The following OTUD7A variants were observed in gnomAD, a reference collection of about 807,000 sequenced individuals.
OTUD7A encodes OTU domain-containing protein 7A.
Under a neutral mutation model 65.7 loss-of-function variants are expected in OTUD7A, and 12 were observed. The ratio of observed to expected loss-of-function variants is 0.18; its 90% CI spans 0.12 to 0.30. The LOEUF (loss-of-function observed/expected upper bound fraction) is 0.30, where lower values mean the gene tolerates loss of function less well. OTUD7A is among the 10% of genes least tolerant of loss of function. The pLI is 1.00. For synonymous variants in OTUD7A, 641 were observed against 586.3 expected, an observed-to-expected ratio of 1.09 and a Z score of -1.35; for missense variants, 1,148 against 1,304.8, an observed-to-expected ratio of 0.88 and a Z score of 1.85.
intron 2 of OTUD7A, among the ~76,000 whole-genome samples, chr15:31,656,048 A>C (rs1891981559): frequency 6.6e-6 from 1 of 152,250 alleles, no homozygotes; most frequent in African/African-American, 2.4e-5. Flanking sequence ...CACTTGCTGA[A>C]GATGGCTACT....
chr15:31,833,276 T>C (rs1432324766), intron 1 of OTUD7A, among the ~76,000 whole-genome samples: 3 of 152,196 alleles, frequency 2.0e-5, no homozygotes, highest in Non-Finnish European at 4.4e-5. Context: ...TGGAGGCTCT[T>C]TCTCCTCAAA....
intron 5 of OTUD7A, among the ~76,000 whole-genome samples, chr15:31,536,974 ACT>A (rs944790243): frequency 3.3e-4 from 51 of 152,316 alleles, no homozygotes; most frequent in African/African-American, 1.2e-3. Flanking sequence ...GGTGATGAAC[ACT>A]CTGACTCAAT....
Position 31,476,212 on chromosome 15 carries a change from G to C in OTUD7A, c.*7082C>G, listed in dbSNP as rs946399760. The C allele has an allele frequency of 2.6e-5, 4 of 152,248 alleles. No individual in the cohort carries two copies. Among genetic ancestry groups the C allele is most frequent in the Non-Finnish European group, 5.9e-5 (4 of 68,064 alleles). 9.4% of individuals were successfully genotyped at this position (152,248 alleles called of 1,614,324 possible). A position where few individuals can be genotyped will look rare whatever the true frequency, so the allele number is the denominator to read the frequency against. The stretch of plus-strand genomic sequence containing the variant: ...CAGGGAAGACAAGCTCCTACTGAAC[G>C]GTGACTGGCTCTGTCAGAGGTGGGG... On this transcript the variant is annotated 3_prime_UTR_variant, in exon 13 of 13. Coordinates refer to ENST00000307050, the MANE Select transcript of OTUD7A (RefSeq NM_001382637.1).
At chr15:31,660,313 T>C (rs982341948) in intron 1 of OTUD7A, among the ~76,000 whole-genome samples, 1 of 152,236 alleles carries the variant, frequency 6.6e-6, no homozygotes, top group Non-Finnish European at 1.5e-5. Context: ...AGAGCCTGTG[T>C]GGCCCATCCC....
chr15:31,755,344 C>T (rs1894781603), intron 1 of OTUD7A, among the ~76,000 whole-genome samples: 1 of 152,100 alleles, frequency 6.6e-6, no homozygotes, highest in Middle Eastern at 3.2e-3. Flanking sequence ...GGTGAGAACT[C>T]TCAATGGGGC....
intron 1 of OTUD7A, among the ~76,000 whole-genome samples, chr15:31,808,822 T>C (rs1351675195): frequency 6.6e-6 from 1 of 152,202 alleles, no homozygotes; most frequent in Non-Finnish European, 1.5e-5. Flanking sequence ...CAGACAAGCC[T>C]GGAGTAGGGA....
intron 5 of OTUD7A, among the ~76,000 whole-genome samples, chr15:31,539,813 C>T (rs543018055): frequency 6.6e-6 from 1 of 152,208 alleles, no homozygotes; most frequent in African/African-American, 2.4e-5. Context: ...GACAAAGTCC[C>T]GAAAACTGGT....
chr15:31,522,457 C>G (rs1376668010), intron 8 of OTUD7A, among the ~76,000 whole-genome samples: 1 of 152,216 alleles, frequency 6.6e-6, no homozygotes, highest in Non-Finnish European at 1.5e-5. Flanking sequence ...CATGCCAGAT[C>G]GTGGGAATTC....
At chr15:31,853,051 T>C (rs1897470899) in intron 1 of OTUD7A, among the ~76,000 whole-genome samples, 1 of 152,194 alleles carries the variant, frequency 6.6e-6, no homozygotes, top group Non-Finnish European at 1.5e-5. Context: ...AGGAAGGGCC[T>C]GGGTGGCCCT....
intron 3 of OTUD7A, among the ~76,000 whole-genome samples, chr15:31,579,701 T>C (rs1889313709): frequency 6.6e-6 from 1 of 151,578 alleles, no homozygotes; most frequent in Non-Finnish European, 1.5e-5. Context: ...TGCATGTGTG[T>C]ATGTATATAT....
chr15:31,853,001 G>A (rs1167827099), intron 1 of OTUD7A, among the ~76,000 whole-genome samples: 1 of 152,152 alleles, frequency 6.6e-6, no homozygotes, highest in East Asian at 1.9e-4. Context: ...GACGTCCAGG[G>A]TGGTACCTGC....
intron 1 of OTUD7A, among the ~76,000 whole-genome samples, chr15:31,735,207 C>T (rs1270441174): frequency 6.6e-6 from 1 of 152,054 alleles, no homozygotes; most frequent in African/African-American, 2.4e-5. Flanking sequence ...CATCTCACAC[C>T]AGTCAGAATG....
At chr15:31,739,579 C>T (rs1025257078) in intron 1 of OTUD7A, among the ~76,000 whole-genome samples, 1 of 152,096 alleles carries the variant, frequency 6.6e-6, no homozygotes, top group Non-Finnish European at 1.5e-5. Flanking sequence ...AAATGCAATG[C>T]CCACATTTGC....
chr15:31,800,682 A>G (rs1896097465), intron 1 of OTUD7A, among the ~76,000 whole-genome samples: 1 of 152,112 alleles, frequency 6.6e-6, no homozygotes, highest in Admixed American at 6.5e-5. Context: ...TGGGTTACAG[A>G]GCTTCTCACC....
intron 1 of OTUD7A, among the ~76,000 whole-genome samples, chr15:31,796,137 G>A (rs1895946771): frequency 1.4e-5 from 1 of 73,004 alleles, no homozygotes. Flanking sequence ...AACCAGTAAG[G>A]GGTGCGTGTG....
At position 31,729,730 on chromosome 15, in the gene OTUD7A, C is replaced by T. The variant is rs527822229; in HGVS notation, c.-99-72653G>A. The stretch of plus-strand genomic sequence containing the variant: ...TCAATGCACCTTTCCATAAGCACAC[C>T]TCACACTCTCCTTGGAGGGCAAGGC... On this transcript the variant is annotated intron_variant, in intron 1 of 12. Coordinates refer to ENST00000307050, the MANE Select transcript of OTUD7A (RefSeq NM_001382637.1). Among the ~76,000 whole-genome samples the T allele has an allele frequency of 3.9e-5, 6 of 152,274 alleles. No individual in the cohort carries two copies. In the South Asian group the frequency reaches 1.2e-3, roughly 32 times the overall value.
intron 1 of OTUD7A, among the ~76,000 whole-genome samples, chr15:31,796,842 T>C (rs1272135070): frequency 6.6e-6 from 1 of 152,124 alleles, no homozygotes; most frequent in Non-Finnish European, 1.5e-5. Context: ...TTAAGTGATT[T>C]TCCTGCCTCA....
intron 1 of OTUD7A, among the ~76,000 whole-genome samples, chr15:31,799,504 G>T (rs138631362): frequency 1.3e-3 from 199 of 152,202 alleles, no homozygotes; most frequent in Middle Eastern, 6.8e-3. Context: ...CCCATGATAG[G>T]ATTAGTGCTC....
chr15:31,813,831 T>C (rs1181981128), intron 1 of OTUD7A, among the ~76,000 whole-genome samples: 1 of 152,208 alleles, frequency 6.6e-6, no homozygotes, highest in Non-Finnish European at 1.5e-5. Context: ...CCAGGCCCAA[T>C]TCCTGCCTCC....
Sources: allele counts gnomAD v4.1 joint callset (sites outside exome capture counted in the v4.1 genomes callset), GRCh38; gene constraint gnomAD v4.1.1; transcripts MANE v1.5; gene names NCBI Gene and HGNC (gene_info 2026-07-23, HGNC 2026-07-21).